The following SEMA3A variants were observed in gnomAD, a reference collection of about 807,000 sequenced individuals.
SEMA3A encodes the protein semaphorin-3A.
In SEMA3A, 29 loss-of-function variants were observed where a neutral mutation model predicts 97.9. The observed-to-expected ratio is 0.30, with a 90% CI of 0.22 to 0.40. SEMA3A has a LOEUF of 0.40. Ranked by LOEUF, SEMA3A falls within the 10% of genes least tolerant of loss-of-function variation. SEMA3A has a pLI of 1.00. For missense variants in SEMA3A, 763 were observed against 951.3 expected (o/e 0.80, Z 2.60); for synonymous variants, 321 against 323.7 (o/e 0.99, Z 0.09).
At chr7:84,476,707 A>T (rs546085637) in intron 1 of SEMA3A, among the ~76,000 whole-genome samples, 2 of 152,294 alleles carry the variant, frequency 1.3e-5, no homozygotes, top group East Asian at 3.9e-4. Context: ...AAAGTGATAA[A>T]GTAGAAAAAT....
chr7:84,205,586 C>T (rs1411058696), intron 3 of SEMA3A, among the ~76,000 whole-genome samples: 3 of 151,860 alleles, frequency 2.0e-5, no homozygotes, highest in African/African-American at 7.3e-5. Flanking sequence ...ATAATAATTT[C>T]CAGAAGTCTA....
chr7:84,091,226 GA>G (rs1226978746), intron 4 of SEMA3A, among the ~76,000 whole-genome samples: 1 of 61,888 alleles, frequency 1.6e-5, no homozygotes, highest in Non-Finnish European at 3.8e-5. Context: ...AGAAAAGAAA[GA>G]AAAGAAAGAA....
intron 4 of SEMA3A, among the ~76,000 whole-genome samples, chr7:84,067,825 G>A (rs1230148969): frequency 1.3e-5 from 2 of 149,892 alleles, no homozygotes; most frequent in Non-Finnish European, 3.0e-5. Flanking sequence ...ACTGTTGGTG[G>A]GACTGTAAAC....
chr7:84,398,530 G>C (rs1242196949), intron 1 of SEMA3A, among the ~76,000 whole-genome samples: 1 of 152,162 alleles, frequency 6.6e-6, no homozygotes, highest in African/African-American at 2.4e-5. Context: ...AGCTGAGGCA[G>C]AAGGACTGCT....
chr7:84,127,404 T>C (rs1195010395), intron 3 of SEMA3A, among the ~76,000 whole-genome samples: 3 of 152,086 alleles, frequency 2.0e-5, no homozygotes, highest in African/African-American at 7.2e-5. Flanking sequence ...ACTCCCACTT[T>C]GCTTCTTAGC....
chr7:84,168,235 T>C (rs1478916731), intron 1 of SEMA3A, among the ~76,000 whole-genome samples: 3 of 151,952 alleles, frequency 2.0e-5, no homozygotes, highest in African/African-American at 7.2e-5. Context: ...ATAATGTGCC[T>C]CTTGGGTTGT....
At chr7:84,126,363 G>T (rs965880983) in intron 3 of SEMA3A, among the ~76,000 whole-genome samples, 1 of 151,944 alleles carries the variant, frequency 6.6e-6, no homozygotes, top group African/African-American at 2.4e-5. Flanking sequence ...GTGCCACCAC[G>T]CCTGGCTAAT....
chr7:84,478,266 C>T (rs2116426914), intron 1 of SEMA3A, among the ~76,000 whole-genome samples: 1 of 152,200 alleles, frequency 6.6e-6, no homozygotes, highest in South Asian at 2.1e-4. Flanking sequence ...CTTTCTACCT[C>T]CCCATCCCCA....
intron 1 of SEMA3A, among the ~76,000 whole-genome samples, chr7:84,392,178 G>C (rs935796655): frequency 1.3e-5 from 2 of 152,048 alleles, no homozygotes; most frequent in African/African-American, 4.8e-5. Flanking sequence ...GTCATGCTGT[G>C]TAATAGACCT....
At position 84,406,644 on chromosome 7, in the gene SEMA3A, A is replaced by G. The variant is rs958115285; in HGVS notation, c.-245-34744T>C. Among the ~76,000 whole-genome samples the G allele has an allele frequency of 1.8e-4, 27 of 152,320 alleles. 1 individual carries two copies. Among genetic ancestry groups the G allele is most frequent in the Middle Eastern group, 3.4e-3 (1 of 294 alleles). On this transcript the variant is annotated intron_variant, in intron 1 of 3. Coordinates refer to the SEMA3A transcript ENST00000424555. Reference sequence around the variant, plus strand: ...TATCCTTGATGAACATTGATGCAAAAATCCTCAATAAAATACTGGCAAACT... The same window carrying G: ...TATCCTTGATGAACATTGATGCAAAGATCCTCAATAAAATACTGGCAAACT...
At chr7:84,135,589 A>G (rs1796101050) in intron 1 of SEMA3A, among the ~76,000 whole-genome samples, 1 of 152,230 alleles carries the variant, frequency 6.6e-6, no homozygotes, top group African/African-American at 2.4e-5. Context: ...ATTTAATTTT[A>G]CAAAAACTTT....
In SEMA3A at chr7:84,381,023, G is replaced by A. The variant is rs145583746; in HGVS notation, c.-245-9123C>T. ...TGCCATGTAAGGCAACATATTTACA[G>A]CTTCTGAGATTAGAACATGGACATC... On this transcript the variant is annotated intron_variant, in intron 1 of 3. Coordinates refer to the SEMA3A transcript ENST00000424555. Among the ~76,000 whole-genome samples the A allele has an allele frequency of 1.6e-4, 24 of 152,258 alleles. No homozygotes were observed. The East Asian group carries it at 3.9e-3, about 25-fold the overall frequency.
At chr7:83,975,831 CATGAAACAGATT>C (rs1268735939) in intron 15 of SEMA3A, among the ~76,000 whole-genome samples, 5 of 152,110 alleles carry the variant, frequency 3.3e-5, no homozygotes, top group African/African-American at 1.2e-4. Flanking sequence ...AATATTTTTC[CATGAAACAGATT>C]ATGAAAGATT....
Position 84,424,554 on chromosome 7 carries a change from T to C in SEMA3A, c.-245-52654A>G, listed in dbSNP as rs868021962. ...ATAATATATAAATATTAATATATAT[T>C]ATATATAATATATAAATATTAATAT... is the stretch of plus-strand genomic sequence containing the variant. On this transcript the variant is annotated intron_variant, in intron 1 of 3. Transcript: ENST00000424555. Among the ~76,000 whole-genome samples, 5 of 76,710 alleles carry C rather than the reference T, an allele frequency of 6.5e-5. No individual in the cohort carries two copies. In the Admixed American group the frequency reaches 7.5e-4, roughly 12 times the overall value. The allele number at this position is 76,710 out of a possible 152,430, so 50.3% of individuals were successfully genotyped here. A position where few individuals can be genotyped will look rare whatever the true frequency, so the allele number is the denominator to read the frequency against.
At chr7:84,452,029 T>C (rs1185979290) in intron 1 of SEMA3A, among the ~76,000 whole-genome samples, 2 of 152,208 alleles carry the variant, frequency 1.3e-5, no homozygotes, top group Non-Finnish European at 2.9e-5. Flanking sequence ...TGTTTGTTTT[T>C]CAAATATATT....
chr7:84,005,592 A>G (rs755732196), intron 10 of SEMA3A, 34 bp from the exon 11 acceptor site: 29 of 1,333,334 alleles, frequency 2.2e-5, no homozygotes, highest in Non-Finnish European at 3.0e-5. Flanking sequence ...TCTTTTGATT[A>G]AAATCTAATA....
At chr7:84,384,074 A>G (rs900585165) in intron 1 of SEMA3A, among the ~76,000 whole-genome samples, 8 of 152,182 alleles carry the variant, frequency 5.3e-5, no homozygotes, top group Admixed American at 2.0e-4. Flanking sequence ...GACTGTCTCA[A>G]TTACAAAGAG....
intron 4 of SEMA3A, among the ~76,000 whole-genome samples, chr7:84,093,249 T>C (rs550600000): frequency 3.9e-5 from 6 of 152,318 alleles, no homozygotes; most frequent in African/African-American, 1.4e-4. Flanking sequence ...AGAGTGTTTA[T>C]GTGATGTGAC....
In SEMA3A at chr7:84,089,320, AAATG is replaced by A. The variant is rs1583946612; in HGVS notation, c.453+21146_453+21149del. ...ACTGGTACTAATTTTGCCATTTTCA[AAATG>A]AATGAAGTCCTATGCAAATGCAAAT... On this transcript the variant is annotated intron_variant, in intron 4 of 16. Coordinates refer to ENST00000265362, the MANE Select transcript of SEMA3A (RefSeq NM_006080.3). 2.0e-5 allele frequency among the ~76,000 whole-genome samples: 3 copies of A among 152,210 alleles called. No homozygotes were observed. In the East Asian group the frequency reaches 5.8e-4, roughly 29 times the overall value.
Sources: allele counts gnomAD v4.1 joint callset (sites outside exome capture counted in the v4.1 genomes callset), GRCh38; gene constraint gnomAD v4.1.1; transcripts MANE v1.5; gene names NCBI Gene and HGNC (gene_info 2026-07-23, HGNC 2026-07-21).